The following ZIM2 variants were observed in gnomAD, a reference collection of about 807,000 sequenced individuals.
The protein encoded by ZIM2 is zinc finger protein 656.
In ZIM2, 14 loss-of-function variants were observed where a neutral mutation model predicts 38.6. The observed-to-expected ratio is 0.36, with a 90% CI of 0.24 to 0.57. ZIM2 has a LOEUF of 0.57. Ranked by LOEUF, ZIM2 falls within the 20% of genes least tolerant of loss-of-function variation. The pLI is 0.81. For missense variants in ZIM2, 680 were observed against 695.1 expected (o/e 0.98, Z 0.24); for synonymous variants, 247 against 245.8 (o/e 1.00, Z -0.04).
chr19:56,808,232 G>T (rs1173423195), intron 9 of ZIM2, among the ~76,000 whole-genome samples: 1 of 152,174 alleles, frequency 6.6e-6, no homozygotes, highest in Admixed American at 6.5e-5. Context: ...TTTAACGGAT[G>T]CTGGGCATAC....
intron 9 of ZIM2, chr19:56,812,567 C>T: frequency 1.0e-6 from 1 of 985,714 alleles, no homozygotes; most frequent in Non-Finnish European, 1.2e-6. Context: ...GCTGATGCTG[C>T]ACAGGGGACC....
At chr19:56,816,435 A>G (rs774687269) in intron 9 of ZIM2, 1 of 1,613,968 alleles carries the variant, frequency 6.2e-7, no homozygotes, top group Non-Finnish European at 8.5e-7. Context: ...TAAGGGACTG[A>G]CCAGGAATAA....
chr19:56,835,809 G>A (rs2062037256), intron 2 of ZIM2, among the ~76,000 whole-genome samples: 1 of 152,188 alleles, frequency 6.6e-6, no homozygotes, highest in African/African-American at 2.4e-5. Context: ...GAGAAAAAGA[G>A]GGAGGATACT....
At chr19:56,786,299 T>C (rs2046601457) in intron 10 of ZIM2, among the ~76,000 whole-genome samples, 1 of 152,160 alleles carries the variant, frequency 6.6e-6, no homozygotes, top group African/African-American at 2.4e-5. Flanking sequence ...TTCCAGGACA[T>C]GACTTTCAAG....
At chr19:56,822,005 G>A (rs548704864) in intron 6 of ZIM2, among the ~76,000 whole-genome samples, 1 of 152,204 alleles carries the variant, frequency 6.6e-6, no homozygotes, top group East Asian at 1.9e-4. Flanking sequence ...GGTTCAGATT[G>A]TGCCCAAGCT....
At chr19:56,779,569 G>T in intron 11 of ZIM2, 97 bp from the exon 12 acceptor site, 1 of 1,170,356 alleles carries the variant, frequency 8.5e-7, no homozygotes, top group Non-Finnish European at 1.2e-6. Flanking sequence ...AACTCTCGCA[G>T]GAGTAAAATG....
chr19:56,806,833 G>T (rs1056676786), intron 9 of ZIM2, among the ~76,000 whole-genome samples: 14 of 152,136 alleles, frequency 9.2e-5, no homozygotes, highest in African/African-American at 3.4e-4. Context: ...TGCCATGTGA[G>T]GATGCAGCAA....
At chr19:56,818,205 C>A (rs1410172628) in intron 8 of ZIM2, among the ~76,000 whole-genome samples, 1 of 152,182 alleles carries the variant, frequency 6.6e-6, no homozygotes, top group African/African-American at 2.4e-5. Context: ...GGCCCCATGG[C>A]CTTACAGACC....
chr19:56,816,042 T>G, intron 9 of ZIM2: 1 of 1,597,146 alleles, frequency 6.3e-7, no homozygotes, highest in South Asian at 1.1e-5. Flanking sequence ...CTGCCATTAC[T>G]TTTGGTTTAC....
At chr19:56,837,711 T>C (rs2062331057) in intron 1 of ZIM2, among the ~76,000 whole-genome samples, 1 of 152,200 alleles carries the variant, frequency 6.6e-6, no homozygotes, top group Non-Finnish European at 1.5e-5. Context: ...CCGGCAAAGA[T>C]GGCACAGAAT....
rs774111387 is a variant in ZIM2, at chr19:56,823,689, C to T, written c.17-10G>A. On this transcript the variant is annotated splice_polypyrimidine_tract_variant and intron_variant, in intron 4 of 12. Coordinates refer to ENST00000629319, the MANE Select transcript of ZIM2 (RefSeq NM_001387356.1). ...TCACTGTTGTTGTCGTCTAAGAGGACACCGGTCGCCAAGTTACTATCTCTG... is the reference window on the plus strand; with the variant it reads ...TCACTGTTGTTGTCGTCTAAGAGGATACCGGTCGCCAAGTTACTATCTCTG... 2.0e-5 allele frequency: 32 copies of T among 1,614,006 alleles called. No individual in the cohort carries two copies. Among genetic ancestry groups the T allele is most frequent in the Non-Finnish European group, 2.6e-5 (31 of 1,180,022 alleles).
chr19:56,775,851 C>T (rs764584219), intron 12 of ZIM2, among the ~76,000 whole-genome samples: 1 of 151,976 alleles, frequency 6.6e-6, no homozygotes, highest in Non-Finnish European at 1.5e-5. Context: ...CCTGTAATCC[C>T]AGCACCTTGG....
At chr19:56,822,973 G>A in intron 5 of ZIM2, 137 bp from the exon 6 acceptor site, 1 of 1,190,924 alleles carries the variant, frequency 8.4e-7, no homozygotes, top group East Asian at 2.6e-5. Context: ...GAGAGCTCCA[G>A]GTTCCCAGGC....
intron 11 of ZIM2, among the ~76,000 whole-genome samples, chr19:56,781,322 G>A (rs1408600204): frequency 2.6e-5 from 4 of 151,682 alleles, no homozygotes; most frequent in African/African-American, 7.2e-5. Flanking sequence ...CACTGGCAAC[G>A]TAAACTTTTC....
intron 9 of ZIM2, chr19:56,812,175 T>A (rs1437891511): frequency 4.1e-6 from 4 of 978,662 alleles, no homozygotes; most frequent in African/African-American, 1.8e-5. Flanking sequence ...CCAAAAAAAA[T>A]TTCTTAATAT....
At chr19:56,827,042 G>A (rs553065774) in intron 2 of ZIM2, among the ~76,000 whole-genome samples, 2 of 152,020 alleles carry the variant, frequency 1.3e-5, no homozygotes, top group Non-Finnish European at 2.9e-5. Context: ...AAGAAGCAGA[G>A]AAAAATATGA....
rs2145811630 is a variant in ZIM2, at chr19:56,774,614, CCTT to C, written c.*71_*73del. On this transcript the variant is annotated 3_prime_UTR_variant, in exon 13 of 13. Transcript: ENST00000629319. ...TTAACAAGGTGGGGCTAGTGAAAGGCCTTCTCACACTCACAACACTCTAGGAGG... is the reference window on the plus strand; with the variant it reads ...TTAACAAGGTGGGGCTAGTGAAAGGCCTCACACTCACAACACTCTAGGAGG... 2 of 1,527,598 alleles carry C rather than the reference CCTT, an allele frequency of 1.3e-6. No homozygotes were observed. Among genetic ancestry groups the C allele is most frequent in the African/African-American group, 1.4e-5 (1 of 72,510 alleles). 94.6% of individuals were successfully genotyped at this position (1,527,598 alleles called of 1,614,324 possible).
At position 56,775,377 on chromosome 19, in the gene ZIM2, T is replaced by G; in HGVS notation, c.988A>C (p.Lys330Gln). The G allele has an allele frequency of 1.2e-6, 2 of 1,614,202 alleles. No individual in the cohort carries two copies. The highest frequency in any genetic ancestry group is 1.7e-6 in the Non-Finnish European group (2 of 1,180,034). The change falls in exon 13 of 13, where the codon AAG (lysine) becomes CAG (glutamine). Residue 330 changes from lysine (K) to glutamine (Q), a missense_variant. Transcript: ENST00000629319. ...ERSSNLSKQSKDPLGKDPQEG... is the reference protein window; with the variant it reads ...ERSSNLSKQSQDPLGKDPQEG... ...TGGGGATCCTTTCCTAGAGGATCCT[T>G]TGATTGTTTACTAAGATTAGAGCTT...
At chr19:56,826,219 C>T (rs1036029236) in intron 3 of ZIM2, among the ~76,000 whole-genome samples, 169 bp downstream of exon 3, 6 of 152,302 alleles carry the variant, frequency 3.9e-5, no homozygotes, top group African/African-American at 1.4e-4. Flanking sequence ...CATGGTCACT[C>T]TAACCCAGGA....
Sources: allele counts gnomAD v4.1 joint callset (sites outside exome capture counted in the v4.1 genomes callset), GRCh38; gene constraint gnomAD v4.1.1; transcripts MANE v1.5; gene names NCBI Gene and HGNC (gene_info 2026-07-23, HGNC 2026-07-21).